The following ANKZF1 variants were observed in gnomAD, a reference collection of about 807,000 sequenced individuals.
The protein encoded by ANKZF1 is ankyrin repeat and zinc finger peptidyl tRNA hydrolase 1, also known as tRNA endonuclease ANKZF1.
In ANKZF1, 84 loss-of-function variants were observed where a neutral mutation model predicts 86.0. The observed-to-expected ratio is 0.98, with a 90% CI of 0.82 to 1.17. The LOEUF (loss-of-function observed/expected upper bound fraction) is 1.17, where lower values mean the gene tolerates loss of function less well. Among genes scored for constraint, ANKZF1 ranks in the 50% most tolerant of loss-of-function variants. ANKZF1 has a pLI of 0.00. For synonymous variants in ANKZF1, 331 were observed against 354.2 expected (o/e 0.93, Z 0.74); for missense variants, 893 against 918.4 (o/e 0.97, Z 0.36).
At chr2:219,236,291 C>T (rs2106470030) in intron 13 of ANKZF1, 31 bp from the exon 14 acceptor site, 2 of 1,613,500 alleles carry the variant, frequency 1.2e-6, no homozygotes, top group South Asian at 1.1e-5. Flanking sequence ...TCTGGGGTAC[C>T]TGTCCAGCCA....
At position 219,229,931 on chromosome 2, in the gene ANKZF1, C is replaced by T; in HGVS notation, c.-31+31C>T. The T allele has an allele frequency of 4.3e-6, 1 of 233,850 alleles. No homozygotes were observed. The highest frequency in any genetic ancestry group is 8.4e-6 in the Non-Finnish European group (1 of 118,786). The allele number at this position is 233,850 out of a possible 1,614,324, so 14.5% of individuals were successfully genotyped here. ...TCTTCTAAGGGCGTGGGCGAGTTTA[C>T]GCGGGCCAGTTGTTGCTGGTCGCAT... On this transcript the variant is annotated intron_variant, in intron 1 of 13. Coordinates refer to ENST00000323348, the MANE Select transcript of ANKZF1 (RefSeq NM_018089.3). The surrounding 1 kb of genome is among the most constrained non-coding windows in gnomAD (Gnocchi z 4.2).
Position 219,232,368 on chromosome 2 carries a change from G to C in ANKZF1, c.364+6G>C. 6.2e-7 allele frequency: 1 copy of C among 1,613,984 alleles called. No homozygotes were observed. Among genetic ancestry groups the C allele is most frequent in the Non-Finnish European group, 8.5e-7 (1 of 1,179,800 alleles). ...TGAAAAGCAGAGCTCCACAGGTGATGAGTGGTAGGGGGACCTATGTAGGAG... is the reference window on the plus strand; with the variant it reads ...TGAAAAGCAGAGCTCCACAGGTGATCAGTGGTAGGGGGACCTATGTAGGAG... On this transcript the variant is annotated splice_donor_region_variant and intron_variant, in intron 4 of 13. Coordinates refer to ENST00000323348, the MANE Select transcript of ANKZF1 (RefSeq NM_018089.3).
Position 219,235,514 on chromosome 2 carries a change from A to C in ANKZF1, c.1732A>C (p.Lys578Gln). The change falls in exon 11 of 14, where the codon AAA becomes CAA. Residue 578 changes from lysine (K) to glutamine (Q), a missense_variant. Coordinates refer to ENST00000323348, the MANE Select transcript of ANKZF1 (RefSeq NM_018089.3). ...ARPPYTVAAD[K>Q]STRNEFRRFM... The stretch of plus-strand genomic sequence containing the variant: ...GCCACCTTATACTGTTGCGGCTGAC[A>C]AATCAACACGTAATGAGTTCCGAAG... The C allele has an allele frequency of 6.2e-7, 1 of 1,614,024 alleles. No individual in the cohort carries two copies. Among genetic ancestry groups the C allele is most frequent in the Non-Finnish European group, 8.5e-7 (1 of 1,180,004 alleles).
chr2:219,230,016 T>G, intron 1 of ANKZF1, 116 bp downstream of exon 1: 1 of 437,448 alleles, frequency 2.3e-6, no homozygotes. Context: ...TTGGACTCGA[T>G]TTGGGAGCCG....
chr2:219,230,722 GA>G, intron 2 of ANKZF1: 1 of 232,912 alleles, frequency 4.3e-6, no homozygotes, highest in Non-Finnish European at 8.3e-6. Context: ...TGCTGAATAT[GA>G]AACAATTTAT....
At chr2:219,232,173 C>G (rs1032079406) in intron 3 of ANKZF1, 87 bp from the exon 4 acceptor site, 2 of 1,464,826 alleles carry the variant, frequency 1.4e-6, no homozygotes, top group Non-Finnish European at 1.9e-6. Flanking sequence ...GGTTGTACTT[C>G]CTAGAATACT....
At chr2:219,231,548 C>G (rs1951035696) in intron 2 of ANKZF1, 1 of 222,868 alleles carries the variant, frequency 4.5e-6, no homozygotes, top group South Asian at 5.3e-5. Context: ...GCATCCGCCA[C>G]CACACCCGGT....
chr2:219,234,133 A>G lies in ANKZF1; in HGVS notation c.1049A>G (p.Glu350Gly). The stretch of plus-strand genomic sequence containing the variant: ...AGAAAGATCTTTTCTTTTATGGCAG[A>G]AGAAGACCCTCGGGAAGCAGTCAGA... ...LHKLTTLHVYEEDPREAVRLH... is the reference protein window; with the variant it reads ...LHKLTTLHVYGEDPREAVRLH... The change falls in exon 9 of 14, where the codon GAA becomes GGA. Residue 350 changes from glutamate (E) to glycine (G), a missense_variant and splice_region_variant. Transcript: ENST00000323348. 6.2e-7 allele frequency: 1 copy of G among 1,608,074 alleles called. No individual in the cohort carries two copies.
Position 219,236,351 on chromosome 2 carries a change from A to G in ANKZF1, c.2087A>G (p.Gln696Arg). The change falls in exon 14 of 14, where the codon CAA becomes CGA. Residue 696 changes from glutamine to arginine, a missense_variant. Gln to Arg is a conservative substitution (Grantham distance 43, BLOSUM62 1). Coordinates refer to ENST00000323348, the MANE Select transcript of ANKZF1 (RefSeq NM_018089.3). ...RRCWSCGASL[Q>R]GLTPFHYLDF... ...TGCTGGAGTTGTGGGGCATCCCTCC[A>G]AGGCCTGACTCCCTTTCACTACCTC... 6.2e-7 allele frequency: 1 copy of G among 1,614,088 alleles called. No individual in the cohort carries two copies. The highest frequency in any genetic ancestry group is 8.5e-7 in the Non-Finnish European group (1 of 1,180,014).
At chr2:219,230,156 C>G in intron 1 of ANKZF1, 72 bp from the exon 2 acceptor site, 1 of 1,377,540 alleles carries the variant, frequency 7.3e-7, no homozygotes. Flanking sequence ...GAAACCAAGT[C>G]AGGCAGGCAG....
At position 219,234,944 on chromosome 2, in the gene ANKZF1, G is replaced by C. The variant is rs1279675394; in HGVS notation, c.1323G>C (p.Arg441Ser). ...EVLPKRRRRK[R>S]NKKEKSRDQE... ...TGCCCAAGCGGAGGAGGAGAAAAAGGAATAAGAAGGAGAAAAGCCGAGACC... is the reference window on the plus strand; with the variant it reads ...TGCCCAAGCGGAGGAGGAGAAAAAGCAATAAGAAGGAGAAAAGCCGAGACC... The change falls in exon 10 of 14, where the codon AGG becomes AGC. Residue 441 changes from arginine (R) to serine (S), a missense_variant. By Grantham distance (110) the Arg-to-Ser change is moderately radical (BLOSUM62 -1). Coordinates refer to ENST00000323348, the MANE Select transcript of ANKZF1 (RefSeq NM_018089.3). 5.0e-6 allele frequency: 8 copies of C among 1,614,220 alleles called. No homozygotes were observed. Among genetic ancestry groups the C allele is most frequent in the Non-Finnish European group, 6.8e-6 (8 of 1,180,042 alleles).
At chr2:219,236,267 T>C in intron 13 of ANKZF1, 55 bp from the exon 14 acceptor site, 1 of 1,612,332 alleles carries the variant, frequency 6.2e-7, no homozygotes, top group Non-Finnish European at 8.5e-7. Flanking sequence ...GGGGAGAGCG[T>C]GGATTGGAAA....
rs747177982 is a variant in ANKZF1 at position 219,236,398 on chromosome 2, C to G, written c.2134C>G (p.Arg712Gly). ...CCTCGACTTCTCTTTCTGCTCCACA[C>G]GTTGCCTCCAGGATCATCGCCGTCA... ...HYLDFSFCST[R>G]CLQDHRRQAG... is the part of the protein sequence containing the mutation. The change falls in exon 14 of 14, where the codon CGT becomes GGT. Residue 712 changes from arginine to glycine, a missense_variant. By Grantham distance (125) the Arg-to-Gly change is moderately radical. Coordinates refer to ENST00000323348, the MANE Select transcript of ANKZF1 (RefSeq NM_018089.3). The G allele has an allele frequency of 5.6e-6, 9 of 1,613,704 alleles. No individual in the cohort carries two copies. In the East Asian group the frequency reaches 2.0e-4, roughly 36 times the overall value.
intron 2 of ANKZF1, 152 bp downstream of exon 2, chr2:219,230,557 C>G (rs1437001769): frequency 4.0e-6 from 4 of 1,002,576 alleles, no homozygotes; most frequent in Middle Eastern, 6.1e-4. Context: ...TGGGTAATGT[C>G]CAGCACAGCC....
rs767507073 is a variant in ANKZF1 at position 219,232,313 on chromosome 2, G to A, written c.315G>A (p.Lys105=). The A allele has an allele frequency of 1.2e-6, 2 of 1,614,216 alleles. No individual in the cohort carries two copies. The highest frequency in any genetic ancestry group is 1.7e-5 in the Admixed American group (1 of 60,018). The part of the protein sequence containing the change: ...WHRFNLKQRL[K]DKPLLSALDF... ...GGTTTAACCTAAAGCAACGTCTCAA[G>A]GACAAGCCTCTCCTGTCTGCCCTGG... Residue 105 remains lysine, a synonymous_variant, in exon 4 of 14, where the codon AAG becomes AAA. Coordinates refer to ENST00000323348, the MANE Select transcript of ANKZF1 (RefSeq NM_018089.3).
In ANKZF1 at chr2:219,230,277, C is replaced by G; in HGVS notation, c.20C>G (p.Ala7Gly). The G allele has an allele frequency of 4.3e-6, 7 of 1,613,612 alleles. No homozygotes were observed. The highest frequency in any genetic ancestry group is 5.9e-6 in the Non-Finnish European group (7 of 1,179,632). The change falls in exon 2 of 14, where the codon GCA (alanine) becomes GGA (glycine). Residue 7 changes from alanine (A) to glycine (G), a missense_variant. Transcript: ENST00000323348. MSPAPD[A>G]APAPASISLF... is the part of the protein sequence containing the mutation. ...TCAGCCATGTCGCCGGCTCCAGATG[C>G]AGCCCCGGCTCCTGCGTCGATCTCC... is the stretch of plus-strand genomic sequence containing the variant.
At chr2:219,232,748 T>C in intron 5 of ANKZF1, 65 bp downstream of exon 5, 1 of 1,513,110 alleles carries the variant, frequency 6.6e-7, no homozygotes, top group Middle Eastern at 1.8e-4. Flanking sequence ...AGATTTCCCT[T>C]AGCCTAGTGC....
At position 219,230,243 on chromosome 2, in the gene ANKZF1, A is replaced by G. The variant is rs772386347; in HGVS notation, c.-15A>G. 5.0e-6 allele frequency: 8 copies of G among 1,609,488 alleles called. No homozygotes were observed. The East Asian group carries it at 1.3e-4, about 27-fold the overall frequency. On this transcript the variant is annotated 5_prime_UTR_variant, in exon 2 of 14. The change creates a new upstream start codon in the 5' untranslated region. Coordinates refer to ENST00000323348, the MANE Select transcript of ANKZF1 (RefSeq NM_018089.3). ...TCTACTCCAGGAGCTGCTGCTAAAT[A>G]ATTTCTGCTCAGCCATGTCGCCGGC...
rs1340079324 is a variant in ANKZF1 at position 219,233,090 on chromosome 2, A to C, written c.570A>C (p.Glu190Asp). ...TCTCTGTCATCAAGGATCCCCCAGA[A>C]GAGGCAGAACTGCTGCTACAGAACC... ...CVLGPHQDPPEEAELLLQNLQ... is the reference protein window; with the variant it reads ...CVLGPHQDPPDEAELLLQNLQ... Residue 190 changes from glutamate to aspartate, a missense_variant, in exon 6 of 14, where the codon GAA (glutamate) becomes GAC (aspartate). Glu to Asp is a conservative substitution (Grantham distance 45). Coordinates refer to ENST00000323348, the MANE Select transcript of ANKZF1 (RefSeq NM_018089.3). 2.5e-6 allele frequency: 4 copies of C among 1,613,910 alleles called. No individual in the cohort carries two copies. In the South Asian group the frequency reaches 4.4e-5, roughly 18 times the overall value.
Sources: allele counts gnomAD v4.1 joint callset, GRCh38; gene constraint gnomAD v4.1.1; non-coding constraint Gnocchi (gnomAD v3.1); transcripts MANE v1.5; gene names NCBI Gene and HGNC (gene_info 2026-07-23, HGNC 2026-07-21).